The following HFM1 variants were observed in gnomAD, a reference collection of about 807,000 sequenced individuals.
HFM1 encodes the protein helicase for meiosis 1, also known as probable ATP-dependent DNA helicase HFM1.
HFM1 carries 169 observed loss-of-function variants against 192.1 expected under a neutral mutation model. The ratio of observed to expected loss-of-function variants is 0.88; its 90% CI spans 0.78 to 1.00. The LOEUF (loss-of-function observed/expected upper bound fraction) is 1.00, where lower values mean the gene tolerates loss of function less well. Among genes scored for constraint, HFM1 ranks in the 50% least tolerant of loss-of-function variants. The probability of loss-of-function intolerance (pLI) is 0.00; values close to 1 mark genes in which losing one functional copy is unlikely to be tolerated. For missense variants in HFM1, 1,661 were observed against 1,668.0 expected (o/e 1.00, Z 0.07); for synonymous variants, 525 against 537.8 (o/e 0.98, Z 0.33).
In HFM1 at chr1:91,352,507, T is replaced by G. The variant is rs776193091; in HGVS notation, c.1976A>C (p.Gln659Pro). Residue 659 changes from glutamine (Q) to proline (P), a missense_variant and splice_region_variant, in exon 16 of 39, where the codon CAA (glutamine) becomes CCA (proline). Physicochemically the swap from Gln to Pro is moderately conservative, Grantham distance 76. Transcript: ENST00000370425. ...AAAAGCAAAGTTATTGTCACTTACT[T>G]GAGGTCGACCAGCTCTACCAATCAT... ...LQMIGRAGRP[Q>P]FDTTATAVIM... 1.3e-6 allele frequency: 2 copies of G among 1,572,066 alleles called. No homozygotes were observed. The highest frequency in any genetic ancestry group is 2.5e-5 in the South Asian group (2 of 80,806).
At chr1:91,342,927 A>G (rs1655560405) in intron 20 of HFM1, among the ~76,000 whole-genome samples, 1 of 152,184 alleles carries the variant, frequency 6.6e-6, no homozygotes, top group African/African-American at 2.4e-5. Context: ...ATCAGTGAAG[A>G]CAAATTCTGT....
intron 13 of HFM1, among the ~76,000 whole-genome samples, chr1:91,353,651 G>GC (rs60628278): frequency 0.47 from 38,290 of 81,060 alleles, 7,967 homozygotes; most frequent in East Asian, 0.61. Flanking sequence ...TAGTAAATAA[G>GC]CAAAAAAAAA....
At chr1:91,262,427 G>GT in intron 37 of HFM1, 35 bp from the exon 38 acceptor site, 1 of 1,580,268 alleles carries the variant, frequency 6.3e-7, no homozygotes, top group African/African-American at 1.4e-5. Context: ...ATCATTGAAA[G>GT]TTTAAGCACT....
In HFM1 at chr1:91,390,065, C is replaced by T. The variant is rs538951033; in HGVS notation, c.494+4028G>A. On this transcript the variant is annotated intron_variant, in intron 4 of 38. Coordinates refer to ENST00000370425, the MANE Select transcript of HFM1 (RefSeq NM_001017975.6). ...CACAATAGACAAAAAGTGAAAACAA[C>T]CCAAACATCCATCAACTGATAAGTA... Among the ~76,000 whole-genome samples the T allele has an allele frequency of 9.2e-5, 14 of 152,298 alleles. 1 individual carries two copies. The highest frequency in any genetic ancestry group is 3.4e-4 in the African/African-American group (14 of 41,568).
chr1:91,274,761 TA>T lies in HFM1; in HGVS notation c.3636del (p.Phe1212LeufsTer16). On this transcript the variant is annotated frameshift_variant, in exon 33 of 39. Coordinates refer to ENST00000370425, the MANE Select transcript of HFM1 (RefSeq NM_001017975.6). LOFTEE classifies it high-confidence loss of function. ...SQSVDLKEFGFTPKPSLPSIS... is the reference protein window; with the variant it reads ...SQSVDLKEFGXTPKPSLPSIS... ...ATACTAGGAAGGGAAGGTTTTGGAG[TA>T]AAACCAAACTCTTTAAGGTCCACAC... 1 of 1,564,912 alleles carries T rather than the reference TA, an allele frequency of 6.4e-7. No individual in the cohort carries two copies. The highest frequency in any genetic ancestry group is 1.1e-5 in the South Asian group (1 of 88,640).
Position 91,261,236 on chromosome 1 carries a change from G to T in HFM1, c.*54C>A. On this transcript the variant is annotated 3_prime_UTR_variant, in exon 39 of 39. Coordinates refer to ENST00000370425, the MANE Select transcript of HFM1 (RefSeq NM_001017975.6). ...TTTTTAAAAATAAAAAGCATGCTTT[G>T]TGATTAGGTGTCTTTATTCTTTCTC... 1.4e-6 allele frequency: 1 copy of T among 716,618 alleles called. No homozygotes were observed. The highest frequency in any genetic ancestry group is 2.1e-6 in the Non-Finnish European group (1 of 484,476). 44.4% of individuals were successfully genotyped at this position (716,618 alleles called of 1,614,324 possible).
In HFM1 at chr1:91,404,791, T is replaced by C. The variant is rs759320252; in HGVS notation, c.-28+7A>G. 2.5e-5 allele frequency: 11 copies of C among 448,656 alleles called. No individual in the cohort carries two copies. Among genetic ancestry groups the C allele is most frequent in the South Asian group, 1.4e-4 (9 of 63,518 alleles). 27.8% of individuals were successfully genotyped at this position (448,656 alleles called of 1,614,324 possible). On this transcript the variant is annotated splice_region_variant and intron_variant, in intron 1 of 38. Transcript: ENST00000370425. ...TTCCCCGCGGGCGTCCGGGCCCCTC[T>C]CCTCACCTCCCTGCGGACAGCTCCT...
In HFM1 at chr1:91,307,461, TTTTTA is replaced by T. The variant is rs1307571615; in HGVS notation, c.3391+5883_3391+5887del. On this transcript the variant is annotated intron_variant, in intron 30 of 38. Coordinates refer to ENST00000370425, the MANE Select transcript of HFM1 (RefSeq NM_001017975.6). The stretch of plus-strand genomic sequence containing the variant: ...CCCTTTAGTATTTATTTTATTTTAT[TTTTTA>T]TTTTGAGACAGGGTCTCGCTCTGTT... Among the ~76,000 whole-genome samples, 26 of 152,260 alleles carry T rather than the reference TTTTTA, an allele frequency of 1.7e-4. No homozygotes were observed. In the East Asian group the frequency reaches 3.7e-3, roughly 21 times the overall value.
At chr1:91,365,897 C>T (rs1343298285) in intron 13 of HFM1, among the ~76,000 whole-genome samples, 2 of 147,338 alleles carry the variant, frequency 1.4e-5, no homozygotes, top group Non-Finnish European at 3.0e-5. Flanking sequence ...GTAATATGTC[C>T]AATAGTACAC....
chr1:91,350,768 T>C lies in HFM1; in HGVS notation c.2176A>G (p.Ile726Val). Residue 726 changes from isoleucine to valine, a missense_variant, in exon 18 of 39, where the codon ATC becomes GTC. Physicochemically the swap from Ile to Val is conservative, Grantham distance 29. Transcript: ENST00000370425. ...TGAGATGGATTTTTCAAGGCTCTGATATAAAGCAGAGTTGATCGTATCCAT... is the reference window on the plus strand; with the variant it reads ...TGAGATGGATTTTTCAAGGCTCTGACATAAAGCAGAGTTGATCGTATCCAT... ...VEWIRSTLLYIRALKNPSHYG... is the reference protein window; with the variant it reads ...VEWIRSTLLYVRALKNPSHYG... The C allele has an allele frequency of 6.2e-7, 1 of 1,611,890 alleles. No individual in the cohort carries two copies. The highest frequency in any genetic ancestry group is 1.1e-5 in the South Asian group (1 of 90,812).
chr1:91,263,860 C>G (rs1379238630), intron 36 of HFM1, among the ~76,000 whole-genome samples: 1 of 152,170 alleles, frequency 6.6e-6, no homozygotes. Flanking sequence ...CACACATCTT[C>G]TGTTGGTCCC....
At chr1:91,368,405 GA>G (rs1192051022) in intron 13 of HFM1, among the ~76,000 whole-genome samples, 1 of 152,236 alleles carries the variant, frequency 6.6e-6, no homozygotes, top group Non-Finnish European at 1.5e-5. Flanking sequence ...TCTCTCGGCA[GA>G]AACTCTACAA....
chr1:91,264,923 G>C (rs533528236), intron 36 of HFM1, among the ~76,000 whole-genome samples: 18 of 152,108 alleles, frequency 1.2e-4, no homozygotes, highest in Admixed American at 2.6e-4. Context: ...CATCTACCTA[G>C]GTGCCATTTA....
At chr1:91,292,231 G>C (rs1348350626) in intron 30 of HFM1, among the ~76,000 whole-genome samples, 1 of 148,528 alleles carries the variant, frequency 6.7e-6, no homozygotes, top group African/African-American at 2.5e-5. Context: ...GAAATAAAGA[G>C]TATTCGATTA....
chr1:91,380,759 T>C (rs573422711), intron 7 of HFM1, among the ~76,000 whole-genome samples, 153 bp downstream of exon 7: 1 of 152,218 alleles, frequency 6.6e-6, no homozygotes, highest in African/African-American at 2.4e-5. Context: ...ATCACATGTA[T>C]TCATTTACCA....
At chr1:91,356,632 T>G (rs951722390) in intron 13 of HFM1, among the ~76,000 whole-genome samples, 29 of 146,464 alleles carry the variant, frequency 2.0e-4, no homozygotes, top group Admixed American at 6.1e-4. Flanking sequence ...CAAATAGAGA[T>G]CCACCAAAAA....
chr1:91,354,669 A>G (rs946921553), intron 13 of HFM1, among the ~76,000 whole-genome samples: 3 of 152,150 alleles, frequency 2.0e-5, no homozygotes, highest in African/African-American at 7.2e-5. Context: ...CTTGCAGGCC[A>G]GGAGAGCATG....
Position 91,342,287 on chromosome 1 carries a change from G to A in HFM1, c.2335+1143C>T, listed in dbSNP as rs1033193473. Among the ~76,000 whole-genome samples, 8 of 152,116 alleles carry A rather than the reference G, an allele frequency of 5.3e-5. 1 individual carries two copies. The highest frequency in any genetic ancestry group is 9.6e-5 in the African/African-American group (4 of 41,518). The stretch of plus-strand genomic sequence containing the variant: ...GAGAGAGAGATAGGATTCAGGACAC[G>A]CTATCCCAAAATGGAGCATCTTGGC... On this transcript the variant is annotated intron_variant, in intron 20 of 38. Coordinates refer to ENST00000370425, the MANE Select transcript of HFM1 (RefSeq NM_001017975.6).
At position 91,378,488 on chromosome 1, in the gene HFM1, GAA is replaced by G. The variant is rs773246061; in HGVS notation, c.1159-10_1159-9del. 2 of 1,540,998 alleles carry G rather than the reference GAA, an allele frequency of 1.3e-6. No homozygotes were observed. The highest frequency in any genetic ancestry group is 1.8e-6 in the Non-Finnish European group (2 of 1,123,354). On this transcript the variant is annotated splice_polypyrimidine_tract_variant and intron_variant, in intron 9 of 38. Transcript: ENST00000370425. Reference sequence around the variant, plus strand: ...CATGCTATCCCATTTTTCCTAGAGAGAAAAAAAAGCATACAAGTAGTTTAATG... The same window carrying G: ...CATGCTATCCCATTTTTCCTAGAGAGAAAAAAGCATACAAGTAGTTTAATG...
Sources: allele counts gnomAD v4.1 joint callset (sites outside exome capture counted in the v4.1 genomes callset), GRCh38; gene constraint gnomAD v4.1.1; transcripts MANE v1.5; gene names NCBI Gene and HGNC (gene_info 2026-07-23, HGNC 2026-07-21).